Variants in RGS20 observed in about 807,000 individuals in gnomAD.
RGS20 encodes regulator of G protein signaling 20, also known as gz-selective GTPase-activating protein.
A neutral mutation model predicts 33.6 loss-of-function variants in RGS20; 30 were observed. That is an observed-to-expected ratio of 0.89 (90% CI 0.67 to 1.21). RGS20 has a LOEUF of 1.21. Among genes scored for constraint, RGS20 ranks in the 50% most tolerant of loss-of-function variants. The pLI is 0.00. For missense variants in RGS20, 472 were observed against 502.4 expected (o/e 0.94, Z 0.58); for synonymous variants, 208 against 197.9 (o/e 1.05, Z -0.43).
intron 2 of RGS20, among the ~76,000 whole-genome samples, chr8:53,931,432 G>C (rs1407420966): frequency 1.3e-5 from 2 of 152,142 alleles, no homozygotes; most frequent in African/African-American, 4.8e-5. Context: ...GTGGGCACCT[G>C]TAATCCCAGC....
intron 3 of RGS20, among the ~76,000 whole-genome samples, chr8:53,941,583 ACAAT>A (rs1217824766): frequency 1.3e-5 from 2 of 152,372 alleles, no homozygotes; most frequent in African/African-American, 2.4e-5. Flanking sequence ...TCAATGACAT[ACAAT>A]CAAATAATTC....
chr8:53,957,077 G>C (rs548908263), intron 5 of RGS20, among the ~76,000 whole-genome samples: 130 of 152,234 alleles, frequency 8.5e-4, no homozygotes, highest in African/African-American at 2.9e-3. Flanking sequence ...CTAGGACACA[G>C]AGTTTACCTT....
At chr8:53,881,079 G>C in intron 2 of RGS20, 1 of 1,542,258 alleles carries the variant, frequency 6.5e-7, no homozygotes, top group Non-Finnish European at 8.6e-7. Flanking sequence ...GGTGGACGGT[G>C]GGCTCGTGAG....
chr8:53,933,059 C>T (rs1262041016), intron 2 of RGS20, among the ~76,000 whole-genome samples: 5 of 152,156 alleles, frequency 3.3e-5, no homozygotes, highest in Non-Finnish European at 7.4e-5. Context: ...AAAGGAATAG[C>T]ATCAACATCA....
At chr8:53,938,985 A>G (rs1253695829) in intron 2 of RGS20, among the ~76,000 whole-genome samples, 2 of 152,168 alleles carry the variant, frequency 1.3e-5, no homozygotes, top group African/African-American at 4.8e-5. Flanking sequence ...GCTCTGTACC[A>G]GGCGGGGTTC....
At chr8:53,883,477 T>C (rs1402584786) in intron 2 of RGS20, among the ~76,000 whole-genome samples, 1 of 152,148 alleles carries the variant, frequency 6.6e-6, no homozygotes, top group African/African-American at 2.4e-5. Context: ...AGTGACATCT[T>C]TCTTATCACG....
At chr8:53,858,580 A>G (rs573993814) in intron 1 of RGS20, among the ~76,000 whole-genome samples, 1 of 152,274 alleles carries the variant, frequency 6.6e-6, no homozygotes, top group East Asian at 1.9e-4. Context: ...TGTGCTTTTC[A>G]GATATACATT....
rs956297553 is a variant in RGS20, at chr8:53,927,928, A to G, written c.511-11648A>G. 6.6e-5 allele frequency among the ~76,000 whole-genome samples: 10 copies of G among 152,344 alleles called. No individual in the cohort carries two copies. The East Asian group carries it at 1.9e-3, about 29-fold the overall frequency. On this transcript the variant is annotated intron_variant, in intron 2 of 5. Transcript: ENST00000297313. ...AATCTTGTAAATAGGTAGCATTTAT[A>G]TCAGTGGTATAATAAAAGAATAATT...
intron 2 of RGS20, among the ~76,000 whole-genome samples, chr8:53,894,397 T>C (rs1287093639): frequency 6.6e-6 from 1 of 152,190 alleles, no homozygotes; most frequent in Non-Finnish European, 1.5e-5. Context: ...GCAGAGATTC[T>C]CCCATGCACA....
intron 5 of RGS20, among the ~76,000 whole-genome samples, chr8:53,954,999 T>A (rs960803998): frequency 2.0e-5 from 3 of 151,560 alleles, no homozygotes; most frequent in Non-Finnish European, 4.4e-5. Flanking sequence ...CCATTACTTT[T>A]AACTTTTTCC....
chr8:53,863,058 G>A (rs1009922354), intron 1 of RGS20, among the ~76,000 whole-genome samples: 4 of 151,986 alleles, frequency 2.6e-5, no homozygotes, highest in Non-Finnish European at 4.4e-5. Flanking sequence ...GCACGATCTC[G>A]GCTCACCGCA....
chr8:53,879,363 C>T lies in RGS20; in HGVS notation c.271C>T (p.Arg91Trp), dbSNP rs141996990. Residue 91 changes from arginine (R) to tryptophan (W), a missense_variant, in exon 2 of 6, where the codon CGG (arginine) becomes TGG (tryptophan). Transcript: ENST00000297313. ...CGCAAGGTTCTTCTCTCACCTTCTC[C>T]GGCGACCCCCTCCCGAGGCTCCCCG... is the stretch of plus-strand genomic sequence containing the variant. The T allele has an allele frequency of 5.0e-5, 80 of 1,611,588 alleles. No individual in the cohort carries two copies. Among genetic ancestry groups the T allele is most frequent in the Non-Finnish European group, 6.7e-5 (79 of 1,179,940 alleles).
At chr8:53,891,600 G>A (rs1045732833) in intron 2 of RGS20, among the ~76,000 whole-genome samples, 9 of 152,082 alleles carry the variant, frequency 5.9e-5, no homozygotes, top group Non-Finnish European at 8.8e-5. Flanking sequence ...TAGCCTGGGT[G>A]ACAGAGCAGG....
At chr8:53,946,467 C>A in intron 3 of RGS20, 198 bp from the exon 3 acceptor site, 1 of 629,420 alleles carries the variant, frequency 1.6e-6, no homozygotes. Flanking sequence ...GAAACCACAA[C>A]GTTTATTTAT....
chr8:53,860,867 T>C (rs1263059587), intron 1 of RGS20, among the ~76,000 whole-genome samples: 1 of 151,812 alleles, frequency 6.6e-6, no homozygotes, highest in Non-Finnish European at 1.5e-5. Context: ...CTCAGGAGGC[T>C]GAGGCAGGAG....
intron 4 of RGS20, among the ~76,000 whole-genome samples, chr8:53,949,431 C>T (rs1297905367): frequency 1.3e-5 from 2 of 151,440 alleles, no homozygotes; most frequent in African/African-American, 2.4e-5. Context: ...ATATAATATA[C>T]GGTGGGTGGG....
chr8:53,948,394 TAA>T (rs1343522030), intron 4 of RGS20, among the ~76,000 whole-genome samples: 18 of 142,390 alleles, frequency 1.3e-4, no homozygotes, highest in East Asian at 6.3e-4. Context: ...ATGCTATATA[TAA>T]GATACAGTAT....
Position 53,946,729 on chromosome 8 carries a change from C to G in RGS20, c.724C>G (p.Leu242Val), listed in dbSNP as rs771809833. 1.9e-6 allele frequency: 3 copies of G among 1,612,818 alleles called. No homozygotes were observed. The South Asian group carries it at 3.3e-5, about 18-fold the overall frequency. ...AGCTTCCCACGAACTCAGAGCAGAT[C>G]TTCCAACCTGGGAAGAAAGGTGAAA... The change falls in exon 4 of 6, where the codon CTT becomes GTT. Residue 242 changes from leucine to valine, a missense_variant. Physicochemically the swap from Leu to Val is conservative, Grantham distance 32 (BLOSUM62 1). Transcript: ENST00000297313.
At chr8:53,882,903 G>A (rs945996869) in intron 2 of RGS20, among the ~76,000 whole-genome samples, 2 of 152,150 alleles carry the variant, frequency 1.3e-5, no homozygotes, top group Non-Finnish European at 2.9e-5. Flanking sequence ...CCCTGGCGTG[G>A]CTTGGCTTCA....
Sources: gnomAD v4.1 joint callset for allele counts (sites outside exome capture counted in the v4.1 genomes callset) on GRCh38, gnomAD v4.1.1 for gene constraint, MANE v1.5 for transcripts, NCBI Gene and HGNC (gene_info 2026-07-23, HGNC 2026-07-21) for gene names.